Variants in TONSL observed in about 807,000 individuals in gnomAD.
TONSL encodes the protein tonsoku like, DNA repair protein.
Under a neutral mutation model 147.1 loss-of-function variants are expected in TONSL, and 112 were observed. The observed-to-expected ratio is 0.76, with a 90% CI of 0.65 to 0.89. TONSL has a LOEUF of 0.89. Among genes scored for constraint, TONSL ranks in the 40% least tolerant of loss-of-function variants. The probability of loss-of-function intolerance (pLI) is 0.00; values close to 1 mark genes in which losing one functional copy is unlikely to be tolerated. For synonymous variants in TONSL, 868 were observed against 801.5 expected, an observed-to-expected ratio of 1.08 and a Z score of -1.40; for missense variants, 1,883 against 1,864.6, an observed-to-expected ratio of 1.01 and a Z score of -0.18.
chr8:144,432,504 C>G lies in TONSL; in HGVS notation c.3560-44G>C, dbSNP rs1226219551. 6 of 1,470,724 alleles carry G rather than the reference C, an allele frequency of 4.1e-6. No individual in the cohort carries two copies. The African/African-American group carries it at 8.7e-5, about 21-fold the overall frequency. The allele number at this position is 1,470,724 out of a possible 1,614,324, so 91.1% of individuals were successfully genotyped here. A position where few individuals can be genotyped will look rare whatever the true frequency, so the allele number is the denominator to read the frequency against. On this transcript the variant is annotated intron_variant, in intron 22 of 25. Transcript: ENST00000409379. Reference sequence around the variant, plus strand: ...CCGTCAGCCCCACGTGGCCACAGCCCTGTACCCACCCCAAGTTCTGGGCCC... The same window carrying G: ...CCGTCAGCCCCACGTGGCCACAGCCGTGTACCCACCCCAAGTTCTGGGCCC...
At chr8:144,441,816 C>T in intron 7 of TONSL, 1 of 520,858 alleles carries the variant, frequency 1.9e-6, no homozygotes, top group South Asian at 2.4e-5. Context: ...CTTTCATTGC[C>T]CCTGACACAC....
intron 4 of TONSL, 101 bp downstream of exon 4, chr8:144,443,037 C>CAA: frequency 7.2e-7 from 1 of 1,388,744 alleles, no homozygotes; most frequent in Admixed American, 2.3e-5. Context: ...AAAGGGAGGG[C>CAA]TCCAGAAGAC....
At position 144,443,274 on chromosome 8, in the gene TONSL, C is replaced by T. The variant is rs771377801; in HGVS notation, c.312G>A (p.Thr104=). ...TGGTGGCCCAGGCCCTCTGCAGCTC[C>T]GTGTGGTTGCGCAGGGAATGTGCCA... ...LELAHSLRNH[T]ELQRAWATIG... Residue 104 remains threonine, a synonymous_variant, in exon 4 of 26, where the codon ACG becomes ACA. Coordinates refer to ENST00000409379, the MANE Select transcript of TONSL (RefSeq NM_013432.5). 4.5e-6 allele frequency: 7 copies of T among 1,550,736 alleles called. No homozygotes were observed. Among genetic ancestry groups the T allele is most frequent in the South Asian group, 1.2e-5 (1 of 84,066 alleles).
At position 144,440,220 on chromosome 8, in the gene TONSL, A is replaced by C; in HGVS notation, c.1291-10T>G. 1 of 1,586,664 alleles carries C rather than the reference A, an allele frequency of 6.3e-7. No homozygotes were observed. Among genetic ancestry groups the C allele is most frequent in the Admixed American group, 1.8e-5 (1 of 55,754 alleles). On this transcript the variant is annotated splice_polypyrimidine_tract_variant and intron_variant, in intron 10 of 25. Transcript: ENST00000409379. ...GCTGCAAGACCTGCCTCTGAGGAGCAGAGGGATGCTCAGCTCAGGACTGGG... is the reference window on the plus strand; with the variant it reads ...GCTGCAAGACCTGCCTCTGAGGAGCCGAGGGATGCTCAGCTCAGGACTGGG...
chr8:144,441,977 C>T (rs982764587), intron 7 of TONSL, 60 bp downstream of exon 7: 35 of 1,501,118 alleles, frequency 2.3e-5, no homozygotes, highest in African/African-American at 2.8e-5. Flanking sequence ...GACTCCACCC[C>T]GCCCCCAGGC....
rs541398709 is a variant in TONSL, at chr8:144,430,494, C to T, written c.3853G>A (p.Ala1285Thr). ...CTGGCACAGCTGATCTCAGGGTTGG[C>T]AGACAGATCCAGTGAGATGAGTGAG... The part of the protein sequence containing the change: ...CPSLISLDLS[A>T]NPEISCASLE... Residue 1285 changes from alanine to threonine, a missense_variant, in exon 25 of 26, where the codon GCC becomes ACC. By Grantham distance (58) the Ala-to-Thr change is moderately conservative. Coordinates refer to ENST00000409379, the MANE Select transcript of TONSL (RefSeq NM_013432.5). The T allele has an allele frequency of 6.2e-6, 10 of 1,613,416 alleles. No homozygotes were observed. The South Asian group carries it at 8.8e-5, about 14-fold the overall frequency.
chr8:144,441,117 G>C lies in TONSL; in HGVS notation c.866-6C>G, dbSNP rs757197887. On this transcript the variant is annotated splice_polypyrimidine_tract_variant and splice_region_variant and intron_variant, in intron 7 of 25. Coordinates refer to ENST00000409379, the MANE Select transcript of TONSL (RefSeq NM_013432.5). Reference sequence around the variant, plus strand: ...CAGCCGGACCACTGCCAGCACTGCCGGGAAGAGGTTCATGCAGGGGGGCAG... The same window carrying C: ...CAGCCGGACCACTGCCAGCACTGCCCGGAAGAGGTTCATGCAGGGGGGCAG... 3.1e-6 allele frequency: 5 copies of C among 1,612,468 alleles called. No homozygotes were observed. In the Admixed American group the frequency reaches 8.3e-5, roughly 27 times the overall value.
In TONSL at chr8:144,434,905, A is replaced by G. The variant is rs1444359180; in HGVS notation, c.3007-16T>C. 5 of 1,613,048 alleles carry G rather than the reference A, an allele frequency of 3.1e-6. No individual in the cohort carries two copies. In the African/African-American group the frequency reaches 5.3e-5, roughly 17 times the overall value. ...CAGCCAACACCTGGAAGGCACCGTCATGAGCCACCTGGGGGCTCCCCCGGC... is the reference window on the plus strand; with the variant it reads ...CAGCCAACACCTGGAAGGCACCGTCGTGAGCCACCTGGGGGCTCCCCCGGC... On this transcript the variant is annotated splice_polypyrimidine_tract_variant and intron_variant, in intron 19 of 25. Coordinates refer to ENST00000409379, the MANE Select transcript of TONSL (RefSeq NM_013432.5).
intron 3 of TONSL, 81 bp downstream of exon 3, chr8:144,443,801 C>T (rs1823805155): frequency 6.6e-7 from 1 of 1,511,162 alleles, no homozygotes; most frequent in Non-Finnish European, 8.9e-7. Context: ...AGGCTCCTGA[C>T]GGCGAAGACC....
At chr8:144,443,467 C>T in intron 3 of TONSL, 146 bp from the exon 4 acceptor site, 1 of 745,546 alleles carries the variant, frequency 1.3e-6, no homozygotes, top group East Asian at 2.7e-5. Context: ...GACACGTGCC[C>T]CTCCTCTGCA....
At position 144,435,716 on chromosome 8, in the gene TONSL, G is replaced by C; in HGVS notation, c.2717C>G (p.Pro906Arg). 1 of 1,612,016 alleles carries C rather than the reference G, an allele frequency of 6.2e-7. No individual in the cohort carries two copies. The highest frequency in any genetic ancestry group is 8.5e-7 in the Non-Finnish European group (1 of 1,179,280). The change falls in exon 17 of 26, where the codon CCC becomes CGC. Residue 906 changes from proline (P) to arginine (R), a missense_variant. Coordinates refer to ENST00000409379, the MANE Select transcript of TONSL (RefSeq NM_013432.5). ...GGGCTCTGAGACCCTGGGGGTGCTG[G>C]GGCTCCCTGGAGGTTCTGAAGCCAG... ...SSLASEPPGS[P>R]STPRVSEPSG...
rs1205561108 is a variant in TONSL, at chr8:144,432,386, T to G, written c.3634A>C (p.Ser1212Arg). The change falls in exon 23 of 26, where the codon AGC becomes CGC. Residue 1212 changes from serine (S) to arginine (R), a missense_variant. Physicochemically the swap from Ser to Arg is moderately radical, Grantham distance 110. Transcript: ENST00000409379. ...GAPALARTLQ[S>R]LPAGTLLHLE... is the part of the protein sequence containing the mutation. The stretch of plus-strand genomic sequence containing the variant: ...TGCAGGAGGGTGCCGGCGGGCAGGC[T>G]CTGCAGGGTCCTGGCCAGGGCAGGG... The G allele has an allele frequency of 1.3e-5, 21 of 1,611,196 alleles. No individual in the cohort carries two copies. The highest frequency in any genetic ancestry group is 1.6e-5 in the Non-Finnish European group (19 of 1,178,998).
At position 144,436,540 on chromosome 8, in the gene TONSL, A is replaced by G. The variant is rs779565313; in HGVS notation, c.2014+18T>C. On this transcript the variant is annotated intron_variant, in intron 16 of 25. Coordinates refer to ENST00000409379, the MANE Select transcript of TONSL (RefSeq NM_013432.5). ...GCGTAGGCACAGCAACCCCAGGGAC[A>G]AGGGACGCCCTGCTTGCCTTGGCCC... 6.2e-7 allele frequency: 1 copy of G among 1,606,782 alleles called. No individual in the cohort carries two copies.
In TONSL at chr8:144,437,038, T is replaced by G. The variant is rs755884249; in HGVS notation, c.1715A>C (p.Tyr572Ser). 6.2e-7 allele frequency: 1 copy of G among 1,613,346 alleles called. No individual in the cohort carries two copies. Among genetic ancestry groups the G allele is most frequent in the South Asian group, 1.1e-5 (1 of 91,068 alleles). The change falls in exon 14 of 26, where the codon TAC becomes TCC. Residue 572 changes from tyrosine to serine, a missense_variant. Physicochemically the swap from Tyr to Ser is moderately radical, Grantham distance 144 (BLOSUM62 -2). Transcript: ENST00000409379. The stretch of plus-strand genomic sequence containing the variant: ...TGTCCCTTGCTCACCTAGATGCCCG[T>G]AGTTGCAGGCCTCGTGCAGAGGTGT... ...GWTPLHEACNYGHLEIVRFLL... is the reference protein window; with the variant it reads ...GWTPLHEACNSGHLEIVRFLL...
Position 144,435,751 on chromosome 8 carries a change from C to A in TONSL, c.2682G>T (p.Gly894=). The A allele has an allele frequency of 6.2e-7, 1 of 1,612,892 alleles. No individual in the cohort carries two copies. Among genetic ancestry groups the A allele is most frequent in the Non-Finnish European group, 8.5e-7 (1 of 1,179,924 alleles). Residue 894 remains glycine (G), a synonymous_variant, in exon 17 of 26, where the codon GGG becomes GGT. Coordinates refer to ENST00000409379, the MANE Select transcript of TONSL (RefSeq NM_013432.5). Reference sequence around the variant, plus strand: ...GAGGTTCTGAAGCCAGGCTGCTGGGCCCTGCGTTAACTGGCGCACTGCAAC... The same window carrying A: ...GAGGTTCTGAAGCCAGGCTGCTGGGACCTGCGTTAACTGGCGCACTGCAAC... ...MQSCSAPVNA[G]PSSLASEPPG... is the part of the protein sequence containing the mutation.
At chr8:144,439,119 C>T (rs1218035501) in intron 11 of TONSL, among the ~76,000 whole-genome samples, 2 of 152,126 alleles carry the variant, frequency 1.3e-5, no homozygotes, top group Non-Finnish European at 2.9e-5. Context: ...CTTATCCACC[C>T]CCATCTCCTG....
intron 20 of TONSL, among the ~76,000 whole-genome samples, chr8:144,434,482 C>T (rs1423864041): frequency 6.6e-6 from 1 of 152,184 alleles, no homozygotes; most frequent in Non-Finnish European, 1.5e-5. Flanking sequence ...TGAGCTCCAC[C>T]AGTCACTGCC....
intron 9 of TONSL, 32 bp from the exon 10 acceptor site, chr8:144,440,508 T>A (rs376251930): frequency 3.2e-6 from 5 of 1,563,208 alleles, no homozygotes; most frequent in Admixed American, 3.7e-5. Context: ...GGTCGGGGGC[T>A]GCCGCTGTCT....
intron 7 of TONSL, 125 bp from the exon 8 acceptor site, chr8:144,441,236 G>T: frequency 1.5e-6 from 2 of 1,360,880 alleles, no homozygotes; most frequent in African/African-American, 1.5e-5. Context: ...GCCTGTTGGT[G>T]TGGGGGTTAA....
Sources: allele counts gnomAD v4.1 joint callset (sites outside exome capture counted in the v4.1 genomes callset), GRCh38; gene constraint gnomAD v4.1.1; transcripts MANE v1.5; gene names NCBI Gene and HGNC (gene_info 2026-07-23, HGNC 2026-07-21).